ARHGAP23: variants seen among roughly 807,000 people sequenced by gnomAD.
The protein encoded by ARHGAP23 is rho GTPase-activating protein 23.
A neutral mutation model predicts 136.3 loss-of-function variants in ARHGAP23; 34 were observed. The observed-to-expected ratio is 0.25, with a 90% CI of 0.19 to 0.33. The LOEUF (loss-of-function observed/expected upper bound fraction) is 0.33. ARHGAP23 is among the 10% of genes least tolerant of loss of function. ARHGAP23 has a pLI of 1.00. For synonymous variants in ARHGAP23, 832 were observed against 920.5 expected (o/e 0.90, Z 1.74); for missense variants, 1,808 against 2,139.0 (o/e 0.85, Z 3.05).
rs888225426 is a variant in ARHGAP23 at position 38,428,629 on chromosome 17, C to G, written c.63+81C>G. The stretch of plus-strand genomic sequence containing the variant: ...TGCCAAGCCAGGGTCGCTGCGACCC[C>G]GCTCGCCCTGCACAGCCTGGGGCGC... On this transcript the variant is annotated intron_variant, in intron 1 of 23. Transcript: ENST00000622683. 4.3e-4 allele frequency: 424 copies of G among 991,708 alleles called. 1 individual carries two copies. Among genetic ancestry groups the G allele is most frequent in the Middle Eastern group, 3.5e-3 (10 of 2,846 alleles). The allele number at this position is 991,708 out of a possible 1,614,324, so 61.4% of individuals were successfully genotyped here.
chr17:38,461,017 G>A, intron 3 of ARHGAP23, 85 bp downstream of exon 3: 2 of 1,492,786 alleles, frequency 1.3e-6, no homozygotes, highest in Middle Eastern at 1.7e-4. Flanking sequence ...AAGACTGCCT[G>A]TCCTTTTCTG....
intron 18 of ARHGAP23, 77 bp downstream of exon 18, chr17:38,490,252 C>T (rs1055900072): frequency 2.7e-5 from 38 of 1,418,368 alleles, no homozygotes; most frequent in Non-Finnish European, 3.1e-5. Context: ...GCAGGGAGTC[C>T]GGTGCTGCCC....
chr17:38,422,136 G>C (rs2038525952), intron 1 of ARHGAP23, among the ~76,000 whole-genome samples: 1 of 152,210 alleles, frequency 6.6e-6, no homozygotes, highest in Non-Finnish European at 1.5e-5. Context: ...TCGATAGAAA[G>C]AGCAACATCA....
At chr17:38,504,819 C>T (rs921491669) in intron 23 of ARHGAP23, among the ~76,000 whole-genome samples, 5 of 151,894 alleles carry the variant, frequency 3.3e-5, no homozygotes, top group Middle Eastern at 6.3e-3. Flanking sequence ...ACCCAGGCGG[C>T]GTCGGTGCCC....
intron 1 of ARHGAP23, among the ~76,000 whole-genome samples, chr17:38,453,328 A>G (rs983728953): frequency 6.6e-6 from 1 of 151,260 alleles, no homozygotes; most frequent in African/African-American, 2.4e-5. Context: ...GGGTCTGTAC[A>G]GAGTGGGTAG....
At chr17:38,497,881 G>A (rs2040428056) in intron 21 of ARHGAP23, 55 bp downstream of exon 21, 2 of 1,516,766 alleles carry the variant, frequency 1.3e-6, no homozygotes. Context: ...GTGAGCCCCA[G>A]TCCTTGGGGG....
At chr17:38,447,967 T>C (rs1381945809) in intron 1 of ARHGAP23, among the ~76,000 whole-genome samples, 1 of 152,210 alleles carries the variant, frequency 6.6e-6, no homozygotes. Flanking sequence ...CTGTTGTCCC[T>C]GAGGGAGGAA....
intron 11 of ARHGAP23, among the ~76,000 whole-genome samples, chr17:38,473,233 C>T (rs745317308): frequency 2.6e-5 from 4 of 151,694 alleles, no homozygotes; most frequent in East Asian, 1.9e-4. Context: ...GGATTACAGG[C>T]GTGAGCCACC....
chr17:38,487,377 A>C (rs138450325), intron 17 of ARHGAP23, among the ~76,000 whole-genome samples: 1 of 152,336 alleles, frequency 6.6e-6, no homozygotes, highest in African/African-American at 2.4e-5. Context: ...CTTTCCTTGA[A>C]TAAGTCCTTG....
intron 2 of ARHGAP23, among the ~76,000 whole-genome samples, chr17:38,460,045 G>T (rs563593680): frequency 6.6e-6 from 1 of 152,296 alleles, no homozygotes; most frequent in South Asian, 2.1e-4. Flanking sequence ...TGTGGAGAGG[G>T]TTAGAAGAGA....
intron 20 of ARHGAP23, among the ~76,000 whole-genome samples, chr17:38,495,205 C>T (rs1388135569): frequency 6.6e-6 from 1 of 150,684 alleles, no homozygotes; most frequent in Admixed American, 6.7e-5. Flanking sequence ...ATGACTGACT[C>T]CAGAGCTTCC....
intron 2 of ARHGAP23, among the ~76,000 whole-genome samples, chr17:38,460,389 G>A (rs1044076297): frequency 6.6e-6 from 1 of 152,116 alleles, no homozygotes; most frequent in Non-Finnish European, 1.5e-5. Flanking sequence ...AGCCCCTGGT[G>A]TGCTGTGAGC....
chr17:38,446,428 C>T (rs2039036173), intron 1 of ARHGAP23, among the ~76,000 whole-genome samples: 1 of 151,748 alleles, frequency 6.6e-6, no homozygotes, highest in South Asian at 2.1e-4. Flanking sequence ...ATAGATATAC[C>T]TCATTTTATT....
intron 23 of ARHGAP23, among the ~76,000 whole-genome samples, chr17:38,505,022 T>A (rs2040602402): frequency 8.7e-6 from 1 of 114,594 alleles, no homozygotes; most frequent in South Asian, 3.2e-4. Context: ...TTTTTTTTTT[T>A]TGAGACAGGT....
intron 20 of ARHGAP23, among the ~76,000 whole-genome samples, chr17:38,496,262 A>G (rs947742444): frequency 1.3e-5 from 2 of 152,116 alleles, no homozygotes; most frequent in Non-Finnish European, 2.9e-5. Flanking sequence ...CTAAAAGCCA[A>G]AAGTGGTAGG....
chr17:38,489,906 A>G, intron 17 of ARHGAP23, 196 bp from the exon 18 acceptor site: 1 of 604,798 alleles, frequency 1.7e-6, no homozygotes, highest in South Asian at 2.0e-5. Context: ...TGCACACCCG[A>G]GTGTAGCTGT....
intron 23 of ARHGAP23, among the ~76,000 whole-genome samples, chr17:38,501,929 AGTTATTTAAATATTTGAATTATTTAAAT>A (rs2040530618): frequency 6.6e-6 from 1 of 151,236 alleles, no homozygotes; most frequent in Admixed American, 6.6e-5. Context: ...ATATTTAAAT[AGTTATTTAAATATTTGAATTATTTAAAT>A]GTTATTTAAA....
In ARHGAP23 at chr17:38,477,933, G is replaced by A. The variant is rs1567810583; in HGVS notation, c.2436+37G>A. The A allele has an allele frequency of 6.5e-7, 1 of 1,545,520 alleles. No homozygotes were observed. Among genetic ancestry groups the A allele is most frequent in the African/African-American group, 1.4e-5 (1 of 72,980 alleles). ...GCCAGCCCGGCAGCCACAGAGGGCG[G>A]GCGGGGTGGCCTCTCACCGGCTGTG... On this transcript the variant is annotated intron_variant, in intron 12 of 23. Coordinates refer to ENST00000622683, the MANE Select transcript of ARHGAP23 (RefSeq NM_001199417.2). The surrounding 1 kb of genome is among the most constrained non-coding windows in gnomAD (Gnocchi z 6.6).
In ARHGAP23 at chr17:38,469,165, T is replaced by C. The variant is rs767510557; in HGVS notation, c.1670T>C (p.Ile557Thr). 8.4e-6 allele frequency: 13 copies of C among 1,551,242 alleles called. No individual in the cohort carries two copies. The highest frequency in any genetic ancestry group is 3.4e-4 in the Middle Eastern group (2 of 5,942). The change falls in exon 8 of 24, where the codon ATT becomes ACT. Residue 557 changes from isoleucine (I) to threonine (T), a missense_variant. Physicochemically the swap from Ile to Thr is moderately conservative, Grantham distance 89. Around this residue, in one of 7 missense-constraint regions of ARHGAP23, gnomAD observed 859 missense variants for 936.4 expected, o/e 0.92. Transcript: ENST00000622683. ...PFIDEPTSPS[I>T]DLQAKHVPAS... ...ATAGATGAGCCCACCAGCCCCAGCATTGACCTCCAAGCCAAGCACGTCCCT... is the reference window on the plus strand; with the variant it reads ...ATAGATGAGCCCACCAGCCCCAGCACTGACCTCCAAGCCAAGCACGTCCCT...
Sources: allele counts gnomAD v4.1 joint callset (sites outside exome capture counted in the v4.1 genomes callset), GRCh38; gene constraint gnomAD v4.1.1; regional missense constraint gnomAD v4.1.1; non-coding constraint Gnocchi (gnomAD v3.1); transcripts MANE v1.5; gene names NCBI Gene and HGNC (gene_info 2026-07-23, HGNC 2026-07-21).